Variants in CACNA1C observed in about 807,000 individuals in gnomAD.
CACNA1C encodes the protein voltage-dependent L-type calcium channel subunit alpha-1C.
A neutral mutation model predicts 229.0 loss-of-function variants in CACNA1C; 30 were observed. The observed-to-expected ratio is 0.13, with a 90% CI of 0.10 to 0.18. The LOEUF (loss-of-function observed/expected upper bound fraction) is 0.18, where lower values mean the gene tolerates loss of function less well. Among genes scored for constraint, CACNA1C ranks in the 10% least tolerant of loss-of-function variants. The pLI is 1.00. For missense variants in CACNA1C, 1,658 were observed against 2,845.0 expected, an observed-to-expected ratio of 0.58 and a Z score of 9.49; for synonymous variants, 1,114 against 1,132.5, an observed-to-expected ratio of 0.98 and a Z score of 0.33.
intron 3 of CACNA1C, among the ~76,000 whole-genome samples, chr12:2,252,366 G>A (rs1213069387): frequency 2.0e-5 from 3 of 152,180 alleles, no homozygotes; most frequent in African/African-American, 7.2e-5. Context: ...ACAGTCAAAG[G>A]CTTCTTCACA....
At chr12:2,588,205 T>C (rs1481366383) in intron 18 of CACNA1C, among the ~76,000 whole-genome samples, 1 of 152,216 alleles carries the variant, frequency 6.6e-6, no homozygotes, top group Non-Finnish European at 1.5e-5. Flanking sequence ...CTTCTTGTTC[T>C]CCCGAACCAC....
chr12:2,276,926 C>A (rs1332036568), intron 3 of CACNA1C, among the ~76,000 whole-genome samples: 5 of 152,056 alleles, frequency 3.3e-5, no homozygotes, highest in Admixed American at 3.3e-4. Flanking sequence ...AGGTCTCAGA[C>A]ATAAACTCTA....
intron 3 of CACNA1C, among the ~76,000 whole-genome samples, chr12:2,356,718 G>A (rs1461436477): frequency 1.3e-5 from 2 of 152,242 alleles, no homozygotes; most frequent in Non-Finnish European, 2.9e-5. Flanking sequence ...CTCTGTAAAG[G>A]GGAATAGAAA....
At chr12:2,277,427 A>ATGAGGG (rs2089221178) in intron 3 of CACNA1C, among the ~76,000 whole-genome samples, 6 of 125,498 alleles carry the variant, frequency 4.8e-5, no homozygotes, top group African/African-American at 6.1e-5. Context: ...ACACACACAC[A>ATGAGGG]CTGAGGGCTG....
chr12:1,983,669 C>A (rs945699870), intron 1 of CACNA1C, among the ~76,000 whole-genome samples: 1 of 151,956 alleles, frequency 6.6e-6, no homozygotes, highest in Admixed American at 6.6e-5. Context: ...GAATGTTTCA[C>A]GTGCACTTGA....
At chr12:2,089,464 G>A (rs565905914) in intron 1 of CACNA1C, among the ~76,000 whole-genome samples, 1 of 152,300 alleles carries the variant, frequency 6.6e-6, no homozygotes, top group East Asian at 1.9e-4. Context: ...TCCTCAACGA[G>A]CTCAAGATCT....
At chr12:2,523,496 C>T (rs1007116258) in intron 9 of CACNA1C, among the ~76,000 whole-genome samples, 5 of 152,134 alleles carry the variant, frequency 3.3e-5, no homozygotes, top group Non-Finnish European at 7.3e-5. Context: ...GTCATGGAAC[C>T]GCCTCTGATG....
chr12:2,142,117 A>G (rs2154194170), intron 3 of CACNA1C, among the ~76,000 whole-genome samples: 1 of 151,152 alleles, frequency 6.6e-6, no homozygotes, highest in East Asian at 1.9e-4. Flanking sequence ...AAGAATGCCT[A>G]ATGCTTATGA....
intron 3 of CACNA1C, among the ~76,000 whole-genome samples, chr12:2,300,057 G>A (rs2094435225): frequency 6.6e-6 from 1 of 152,246 alleles, no homozygotes; most frequent in Non-Finnish European, 1.5e-5. Flanking sequence ...AGAGAATGAA[G>A]TAAAAAATTC....
intron 3 of CACNA1C, among the ~76,000 whole-genome samples, chr12:2,365,054 T>G (rs1248357058): frequency 1.3e-5 from 2 of 152,220 alleles, no homozygotes; most frequent in Non-Finnish European, 2.9e-5. Flanking sequence ...CCCAATGCAT[T>G]TACAAAGCAT....
At chr12:2,004,445 C>T in intron 1 of CACNA1C, 1 of 1,600,932 alleles carries the variant, frequency 6.2e-7, no homozygotes, top group Non-Finnish European at 8.5e-7. Context: ...CCCTCCCTCC[C>T]AGACATAGGC....
At chr12:2,059,233 G>C (rs961323922) in intron 1 of CACNA1C, among the ~76,000 whole-genome samples, 1 of 152,124 alleles carries the variant, frequency 6.6e-6, no homozygotes, top group African/African-American at 2.4e-5. Context: ...AGATGCAGAA[G>C]GTGAGGGGAA....
intron 5 of CACNA1C, among the ~76,000 whole-genome samples, chr12:2,471,264 T>C (rs2099590576): frequency 1.3e-5 from 2 of 152,264 alleles, no homozygotes. Flanking sequence ...TTGTCCTGTG[T>C]GATTACTATA....
chr12:2,420,131 G>A (rs2098962578), intron 3 of CACNA1C, among the ~76,000 whole-genome samples: 1 of 151,278 alleles, frequency 6.6e-6, no homozygotes, highest in Non-Finnish European at 1.5e-5. Context: ...GTGTGTGTGT[G>A]TGTGTGTGTG....
At chr12:2,688,398 G>T in intron 45 of CACNA1C, 49 bp from the exon 46 acceptor site, 5 of 1,576,102 alleles carry the variant, frequency 3.2e-6, no homozygotes, top group Non-Finnish European at 4.4e-6. Context: ...GGCCTGCCTT[G>T]TTTGGGGTCG....
At chr12:2,503,324 T>C (rs948443862) in intron 7 of CACNA1C, among the ~76,000 whole-genome samples, 1 of 152,202 alleles carries the variant, frequency 6.6e-6, no homozygotes, top group African/African-American at 2.4e-5. Flanking sequence ...CCTTGGAAGT[T>C]TGGGTTTCTA....
At chr12:2,051,458 T>C (rs2052204901), upstream of CACNA1C, among the ~76,000 whole-genome samples, 1 of 152,166 alleles carries the variant, frequency 6.6e-6, no homozygotes, top group South Asian at 2.1e-4. Context: ...GATGTGATGT[T>C]TTAAATGGGT....
chr12:2,207,064 A>G (rs1438055107), intron 3 of CACNA1C, among the ~76,000 whole-genome samples: 1 of 151,870 alleles, frequency 6.6e-6, no homozygotes. Flanking sequence ...TCGAGTGTCA[A>G]TAAAGGGGAC....
chr12:2,007,523 T>C (rs1261049993), intron 1 of CACNA1C, among the ~76,000 whole-genome samples: 1 of 152,276 alleles, frequency 6.6e-6, no homozygotes, highest in Non-Finnish European at 1.5e-5. Flanking sequence ...CTTGTGTCTG[T>C]GCTGAAATTA....
Sources: gnomAD v4.1 joint callset for allele counts (sites outside exome capture counted in the v4.1 genomes callset) on GRCh38, gnomAD v4.1.1 for gene constraint, MANE v1.5 for transcripts, NCBI Gene and HGNC (gene_info 2026-07-23, HGNC 2026-07-21) for gene names.